The following NPEPPS variants were observed in gnomAD, a reference collection of about 807,000 sequenced individuals.
NPEPPS encodes aminopeptidase puromycin sensitive, also known as puromycin-sensitive aminopeptidase.
A neutral mutation model predicts 115.5 loss-of-function variants in NPEPPS; 14 were observed. The ratio of observed to expected loss-of-function variants is 0.12; its 90% CI spans 0.08 to 0.19. NPEPPS has a LOEUF of 0.19. Among genes scored for constraint, NPEPPS ranks in the 10% least tolerant of loss-of-function variants. The pLI, the probability that NPEPPS is intolerant of heterozygous loss-of-function variation, is 1.00. For synonymous variants in NPEPPS, 285 were observed against 390.6 expected (o/e 0.73, Z 3.19); for missense variants, 523 against 1,110.8 (o/e 0.47, Z 7.52).
chr17:47,543,017 A>G lies in NPEPPS; in HGVS notation c.256-2892A>G, dbSNP rs184275178. On this transcript the variant is annotated intron_variant, in intron 1 of 22. Transcript: ENST00000322157. ...ATGGGTGTGGTGGTGCACACCTGTA[A>G]TCCCAGCTACTCAAGAGGCTGAGGC... Among the ~76,000 whole-genome samples, 388 of 152,058 alleles carry G rather than the reference A, an allele frequency of 2.6e-3. 1 individual carries two copies. Among genetic ancestry groups the G allele is most frequent in the Non-Finnish European group, 4.2e-3 (287 of 67,988 alleles).
At position 47,587,343 on chromosome 17, in the gene NPEPPS, T is replaced by C. The variant is rs1229972929; in HGVS notation, c.1094T>C (p.Met365Thr). Residue 365 changes from methionine (M) to threonine (T), a missense_variant and splice_region_variant, in exon 9 of 23, where the codon ATG becomes ACG. Transcript: ENST00000322157. ...CAATGGTTTGGAAATCTTGTTACTA[T>C]GGTATTTAATATTTTTAAGTGCTCA... ...AHQWFGNLVT[M>T]EWWTHLWLNE... 1 of 1,583,768 alleles carries C rather than the reference T, an allele frequency of 6.3e-7. No homozygotes were observed. Among genetic ancestry groups the C allele is most frequent in the Non-Finnish European group, 8.6e-7 (1 of 1,169,158 alleles).
Position 47,604,065 on chromosome 17 carries a change from TTAAG to T in NPEPPS, c.1875+20_1875+23del. 6.3e-7 allele frequency: 1 copy of T among 1,598,750 alleles called. No homozygotes were observed. Among genetic ancestry groups the T allele is most frequent in the Non-Finnish European group, 8.5e-7 (1 of 1,170,014 alleles). ...CTTCTCCTTGGTGAGCATCTGTGAC[TTAAG>T]TAATATGATGGATTTTGCTGATTAA... On this transcript the variant is annotated intron_variant, in intron 16 of 22. Transcript: ENST00000322157.
At chr17:47,553,335 T>C (rs1288112628) in intron 2 of NPEPPS, among the ~76,000 whole-genome samples, 2 of 151,012 alleles carry the variant, frequency 1.3e-5, no homozygotes, top group East Asian at 1.9e-4. Context: ...ATCACGCCAT[T>C]GCACTCCAGC....
chr17:47,593,077 A>G (rs569010887), intron 12 of NPEPPS, among the ~76,000 whole-genome samples: 59 of 152,238 alleles, frequency 3.9e-4, no homozygotes, highest in Non-Finnish European at 7.8e-4. Flanking sequence ...ATAGATGCTC[A>G]GCTAGTAAGT....
chr17:47,560,562 G>A (rs548233121), intron 2 of NPEPPS, among the ~76,000 whole-genome samples: 2 of 152,324 alleles, frequency 1.3e-5, no homozygotes, highest in South Asian at 2.1e-4. Context: ...CCTAGGGTGA[G>A]AAGGAGGTCA....
chr17:47,613,257 CTTTTTTTTTTTT>C (rs753383358), intron 18 of NPEPPS, among the ~76,000 whole-genome samples: 1 of 98,232 alleles, frequency 1.0e-5, no homozygotes, highest in Non-Finnish European at 2.0e-5. Context: ...ATAATATTTA[CTTTTTTTTTTTT>C]TTTTTTTTTT....
At chr17:47,606,657 G>C (rs1239238238) in intron 17 of NPEPPS, among the ~76,000 whole-genome samples, 3 of 151,918 alleles carry the variant, frequency 2.0e-5, no homozygotes, top group Non-Finnish European at 2.9e-5. Context: ...TGGCCAGGCT[G>C]GTCTTGAACT....
chr17:47,543,341 A>AT (rs1240855355), intron 1 of NPEPPS, among the ~76,000 whole-genome samples: 2 of 151,450 alleles, frequency 1.3e-5, no homozygotes, highest in African/African-American at 2.4e-5. Flanking sequence ...TTTTTGAGAC[A>AT]AAGTTTTGCT....
upstream of NPEPPS, among the ~76,000 whole-genome samples, chr17:47,530,033 T>C (rs1907622181): frequency 6.9e-6 from 1 of 144,802 alleles, no homozygotes; most frequent in Admixed American, 7.1e-5. Context: ...ACCTCCAGGG[T>C]TCAAGCGATT....
intron 17 of NPEPPS, among the ~76,000 whole-genome samples, chr17:47,611,458 C>A (rs377125218): frequency 8.2e-4 from 98 of 120,048 alleles, no homozygotes; most frequent in African/African-American, 7.8e-4. Context: ...GACCACATCT[C>A]AAAAAAAAAA....
At chr17:47,553,896 G>T (rs951794775) in intron 2 of NPEPPS, among the ~76,000 whole-genome samples, 7 of 150,998 alleles carry the variant, frequency 4.6e-5, no homozygotes, top group East Asian at 2.0e-4. Flanking sequence ...GACTACAGGC[G>T]CATGCCACCA....
At position 47,585,561 on chromosome 17, in the gene NPEPPS, G is replaced by A. The variant is rs766973996; in HGVS notation, c.710G>A (p.Arg237His). The A allele has an allele frequency of 5.0e-6, 8 of 1,613,522 alleles. No individual in the cohort carries two copies. The highest frequency in any genetic ancestry group is 2.2e-5 in the East Asian group (1 of 44,872). ...DENLVEVKFARTPVMSTYLVA... is the reference protein window; with the variant it reads ...DENLVEVKFAHTPVMSTYLVA... ...AATTTAGTGGAAGTGAAGTTTGCCC[G>A]CACACCTGTTATGTCTACATATCTG... The change falls in exon 6 of 23, where the codon CGC (arginine) becomes CAC (histidine). Residue 237 changes from arginine (R) to histidine (H), a missense_variant. Transcript: ENST00000322157.
chr17:47,553,843 C>G (rs1364432757), intron 2 of NPEPPS, among the ~76,000 whole-genome samples: 1 of 150,428 alleles, frequency 6.6e-6, no homozygotes, highest in African/African-American at 2.5e-5. Flanking sequence ...CTCTGCCTCC[C>G]AGGTTCAAGC....
chr17:47,552,936 G>T (rs1909751354), intron 2 of NPEPPS, among the ~76,000 whole-genome samples: 1 of 152,154 alleles, frequency 6.6e-6, no homozygotes, highest in African/African-American at 2.4e-5. Flanking sequence ...ATAAATGTTA[G>T]AGCCAGGATT....
intron 14 of NPEPPS, among the ~76,000 whole-genome samples, chr17:47,600,385 G>A (rs533427003): frequency 2.0e-5 from 3 of 152,278 alleles, no homozygotes; most frequent in South Asian, 2.1e-4. Context: ...GCAGTGAGCC[G>A]TGATTGTGCC....
chr17:47,576,453 C>T (rs574847571), intron 3 of NPEPPS, among the ~76,000 whole-genome samples: 18 of 152,298 alleles, frequency 1.2e-4, no homozygotes, highest in African/African-American at 4.3e-4. Flanking sequence ...GATTGCACCA[C>T]TGCACTTTAG....
At chr17:47,585,348 A>G (rs1273312384) in intron 5 of NPEPPS, among the ~76,000 whole-genome samples, 152 bp from the exon 6 acceptor site, 1 of 152,230 alleles carries the variant, frequency 6.6e-6, no homozygotes, top group Non-Finnish European at 1.5e-5. Flanking sequence ...AAGACAGCAT[A>G]AAAGCACTGG....
Position 47,586,199 on chromosome 17 carries a change from C to G in NPEPPS, c.901C>G (p.Pro301Ala). The change falls in exon 7 of 23, where the codon CCT becomes GCT. Residue 301 changes from proline to alanine, a missense_variant. Around this residue, in one of 4 missense-constraint regions of NPEPPS, gnomAD observed 144 missense variants for 512.4 expected, o/e 0.28. Coordinates refer to ENST00000322157, the MANE Select transcript of NPEPPS (RefSeq NM_006310.4). ...FYKDYFNVPYPLPKIDLIAIA... is the reference protein window; with the variant it reads ...FYKDYFNVPYALPKIDLIAIA... ...TAAGGACTACTTCAATGTTCCTTAT[C>G]CTCTACCTAAAATTGATCTCATTGC... 1 of 1,233,092 alleles carries G rather than the reference C, an allele frequency of 8.1e-7. No individual in the cohort carries two copies. Among genetic ancestry groups the G allele is most frequent in the Non-Finnish European group, 1.1e-6 (1 of 937,386 alleles). 76.4% of individuals were successfully genotyped at this position (1,233,092 alleles called of 1,614,324 possible).
At chr17:47,618,855 A>G (rs1914366778) in intron 20 of NPEPPS, among the ~76,000 whole-genome samples, 154 bp from the exon 21 acceptor site, 1 of 152,220 alleles carries the variant, frequency 6.6e-6, no homozygotes, top group African/African-American at 2.4e-5. Context: ...CTTAAACATT[A>G]TCTTCTTTGC....
Sources: gnomAD v4.1 joint callset for allele counts (sites outside exome capture counted in the v4.1 genomes callset) on GRCh38, gnomAD v4.1.1 for gene constraint, gnomAD v4.1.1 regional missense constraint, MANE v1.5 for transcripts, NCBI Gene and HGNC (gene_info 2026-07-23, HGNC 2026-07-21) for gene names.